Variants in ZNF227 observed in about 807,000 individuals in gnomAD.
ZNF227 encodes the protein zinc finger protein 227.
In ZNF227, 12 loss-of-function variants were observed where a neutral mutation model predicts 13.2. The observed-to-expected ratio is 0.91, with a 90% CI of 0.58 to 1.47. ZNF227 has a LOEUF of 1.47. Among genes scored for constraint, ZNF227 ranks in the 40% most tolerant of loss-of-function variants. The pLI, the probability that ZNF227 is intolerant of heterozygous loss-of-function variation, is 0.00. For missense variants in ZNF227, 885 were observed against 967.5 expected, an observed-to-expected ratio of 0.91 and a Z score of 1.13; for synonymous variants, 338 against 326.0, an observed-to-expected ratio of 1.04 and a Z score of -0.40.
chr19:44,223,424 T>C (rs1599801207), intron 3 of ZNF227, among the ~76,000 whole-genome samples: 1 of 152,246 alleles, frequency 6.6e-6, no homozygotes, highest in East Asian at 1.9e-4. Flanking sequence ...AGCTATTGAT[T>C]ATTGCCACAA....
rs1053375796 is a variant in ZNF227, at chr19:44,228,841, G to A, written c.187+269G>A. The A allele has an allele frequency of 3.4e-5, 15 of 435,092 alleles. No individual in the cohort carries two copies. The Admixed American group carries it at 4.6e-4, about 13-fold the overall frequency. The allele number at this position is 435,092 out of a possible 1,614,324, so 27.0% of individuals were successfully genotyped here. ...GAAATGGTTGTCACACCTGACAGAGGGGTGCTATTGGCATTTTGTGGGTAG... is the reference window on the plus strand; with the variant it reads ...GAAATGGTTGTCACACCTGACAGAGAGGTGCTATTGGCATTTTGTGGGTAG... On this transcript the variant is annotated intron_variant, in intron 4 of 5. Transcript: ENST00000313040.
chr19:44,215,851 G>A (rs1363470530), intron 2 of ZNF227, among the ~76,000 whole-genome samples: 4 of 151,962 alleles, frequency 2.6e-5, no homozygotes, highest in African/African-American at 9.7e-5. Context: ...AGCCAGACGT[G>A]GTGGTGCGTA....
intron 3 of ZNF227, among the ~76,000 whole-genome samples, chr19:44,219,467 A>G (rs1464453287): frequency 1.3e-5 from 2 of 152,240 alleles, no homozygotes; most frequent in Non-Finnish European, 2.9e-5. Context: ...TCCAACTGGA[A>G]TATGAGCAAA....
At chr19:44,213,034 C>T (rs1156506137) in intron 1 of ZNF227, 56 bp from the exon 2 acceptor site, 1 of 151,754 alleles carries the variant, frequency 6.6e-6, no homozygotes, top group Non-Finnish European at 1.5e-5. Flanking sequence ...CTGTCGTATC[C>T]TTCAGGAGAC....
intron 3 of ZNF227, among the ~76,000 whole-genome samples, chr19:44,227,793 G>A (rs1973333781): frequency 6.6e-6 from 1 of 152,196 alleles, no homozygotes; most frequent in Non-Finnish European, 1.5e-5. Flanking sequence ...TTTGAACCTG[G>A]CCAGACTCCA....
At position 44,236,722 on chromosome 19, in the gene ZNF227, A is replaced by G; in HGVS notation, c.2292A>G (p.Arg764=). Residue 764 remains arginine, a synonymous_variant, in exon 6 of 6, where the codon AGA becomes AGG. Transcript: ENST00000313040. Reference sequence around the variant, plus strand: ...GTGCACGTCTTGAAGCCCATCAGAGAGTCCACACTGGAGAAAAACCATACA... The same window carrying G: ...GTGCACGTCTTGAAGCCCATCAGAGGGTCCACACTGGAGAAAAACCATACA... ...SQSARLEAHQ[R]VHTGEKPYKC... 2.5e-6 allele frequency: 4 copies of G among 1,614,212 alleles called. No individual in the cohort carries two copies. The highest frequency in any genetic ancestry group is 3.4e-6 in the Non-Finnish European group (4 of 1,180,014).
upstream of ZNF227, among the ~76,000 whole-genome samples, chr19:44,212,195 A>G (rs766929074): frequency 6.3e-4 from 95 of 151,456 alleles, no homozygotes; most frequent in Non-Finnish European, 9.6e-4. Flanking sequence ...TTCTTCACAT[A>G]TTTGCTGTTA....
chr19:44,236,885 C>A lies in ZNF227; in HGVS notation c.*55C>A. On this transcript the variant is annotated 3_prime_UTR_variant, in exon 6 of 6. Transcript: ENST00000313040. ...TGAATGCACATCTTCAAGTTTTTGG[C>A]TAGTCCATGCTGGTGGTAAACCCTG... 7.0e-7 allele frequency: 1 copy of A among 1,435,850 alleles called. No homozygotes were observed. The highest frequency in any genetic ancestry group is 9.4e-7 in the Non-Finnish European group (1 of 1,065,416). 88.9% of individuals were successfully genotyped at this position (1,435,850 alleles called of 1,614,324 possible).
At chr19:44,222,140 G>C (rs1599795603) in intron 3 of ZNF227, among the ~76,000 whole-genome samples, 1 of 151,866 alleles carries the variant, frequency 6.6e-6, no homozygotes, top group South Asian at 2.1e-4. Flanking sequence ...TTTGGTACCA[G>C]TACCATGCTG....
chr19:44,229,027 CT>C (rs1361549459), intron 4 of ZNF227: 2 of 170,864 alleles, frequency 1.2e-5, no homozygotes, highest in East Asian at 3.2e-4. Context: ...AATACGTTGT[CT>C]TTCAAATGAA....
At chr19:44,232,581 G>A (rs1973950332) in intron 5 of ZNF227, among the ~76,000 whole-genome samples, 1 of 152,112 alleles carries the variant, frequency 6.6e-6, no homozygotes, top group South Asian at 2.1e-4. Context: ...CTTTTGTAAG[G>A]ACTTGTGATT....
chr19:44,214,991 A>G lies in ZNF227; in HGVS notation c.-3+1747A>G, dbSNP rs148724302. ...GAGGGACTGCACATGTGAAGGATCT[A>G]GGTTGTGCGCTCCTTATGAGAATGT... On this transcript the variant is annotated intron_variant, in intron 2 of 5. Coordinates refer to ENST00000313040, the MANE Select transcript of ZNF227 (RefSeq NM_182490.3). Among the ~76,000 whole-genome samples, 622 of 152,044 alleles carry G rather than the reference A, an allele frequency of 4.1e-3. 3 individuals carry two copies. The highest frequency in any genetic ancestry group is 0.012 in the Admixed American group (188 of 15,260).
intron 2 of ZNF227, 137 bp from the exon 3 acceptor site, chr19:44,217,654 A>G (rs1972031873): frequency 1.1e-6 from 1 of 916,116 alleles, no homozygotes. Flanking sequence ...TAGTAGCTGG[A>G]ATACAGTCCA....
chr19:44,235,804 C>G lies in ZNF227; in HGVS notation c.1374C>G (p.His458Gln), dbSNP rs761731858. The stretch of plus-strand genomic sequence containing the variant: ...CATTAATATGCCATCGGAGAGTCCA[C>G]ACAGGAGAGAAGCCATACAAGTGTG... ...NSPLICHRRV[H>Q]TGEKPYKCEA... The change falls in exon 6 of 6, where the codon CAC becomes CAG. Residue 458 changes from histidine (H) to glutamine (Q), a missense_variant. Transcript: ENST00000313040. The G allele has an allele frequency of 3.1e-6, 5 of 1,613,498 alleles. No individual in the cohort carries two copies. Among genetic ancestry groups the G allele is most frequent in the Non-Finnish European group, 3.4e-6 (4 of 1,179,954 alleles).
In ZNF227 at chr19:44,234,914, A is replaced by G. The variant is rs1974258993; in HGVS notation, c.484A>G (p.Ile162Val). The change falls in exon 6 of 6, where the codon ATT (isoleucine) becomes GTT (valine). Residue 162 changes from isoleucine to valine, a missense_variant. Transcript: ENST00000313040. ...NIMNPKGDSS[I>V]YIENQEFPFW... ...AATGAACCCTAAAGGAGATAGCTCT[A>G]TTTATATTGAAAATCAAGAGTTTCC... 6.2e-7 allele frequency: 1 copy of G among 1,613,092 alleles called. No homozygotes were observed. Among genetic ancestry groups the G allele is most frequent in the Admixed American group, 1.7e-5 (1 of 59,792 alleles).
At chr19:44,209,285 T>C (rs1434785400), upstream of ZNF227, among the ~76,000 whole-genome samples, 1 of 152,226 alleles carries the variant, frequency 6.6e-6, no homozygotes, top group African/African-American at 2.4e-5. Flanking sequence ...TTGCATCTAT[T>C]ACTCTTCTCC....
intron 5 of ZNF227, 39 bp downstream of exon 5, chr19:44,229,855 GGTACTGGTTA>G: frequency 7.0e-7 from 1 of 1,438,262 alleles, no homozygotes; most frequent in South Asian, 1.4e-5. Context: ...TGTTCTTTCA[GGTACTGGTTA>G]GTCTGCATCT....
intron 3 of ZNF227, among the ~76,000 whole-genome samples, chr19:44,225,858 A>G (rs1278674176): frequency 2.6e-5 from 4 of 151,978 alleles, no homozygotes; most frequent in Non-Finnish European, 4.4e-5. Flanking sequence ...TAGAGTTTCC[A>G]GTTTTTCTGC....
At chr19:44,225,869 T>G (rs1490944754) in intron 3 of ZNF227, among the ~76,000 whole-genome samples, 1 of 152,194 alleles carries the variant, frequency 6.6e-6, no homozygotes, top group Non-Finnish European at 1.5e-5. Context: ...GTTTTTCTGC[T>G]CTGTTTTTTC....
Sources: allele counts gnomAD v4.1 joint callset (sites outside exome capture counted in the v4.1 genomes callset), GRCh38; gene constraint gnomAD v4.1.1; transcripts MANE v1.5; gene names NCBI Gene and HGNC (gene_info 2026-07-23, HGNC 2026-07-21).